Variants in CTCF observed in about 807,000 individuals in gnomAD.
The protein encoded by CTCF is transcriptional repressor CTCF.
In CTCF, 7 loss-of-function variants were observed where a neutral mutation model predicts 72.3. The observed-to-expected ratio is 0.10, with a 90% confidence interval of 0.06 to 0.18. CTCF has a LOEUF of 0.18. Among genes scored for constraint, CTCF ranks in the 10% least tolerant of loss-of-function variants. The pLI, the probability that CTCF is intolerant of heterozygous loss-of-function variation, is 1.00. For missense variants in CTCF, 516 were observed against 949.1 expected, an observed-to-expected ratio of 0.54 and a Z score of 6.00; for synonymous variants, 374 against 315.8, an observed-to-expected ratio of 1.18 and a Z score of -1.95.
intron 2 of CTCF, among the ~76,000 whole-genome samples, chr16:67,588,753 C>T (rs1001084430): frequency 6.6e-6 from 1 of 152,148 alleles, no homozygotes; most frequent in Non-Finnish European, 1.5e-5. Context: ...GTGGCGTGAA[C>T]TCAGCTCACT....
chr16:67,592,577 C>T (rs1489077087), intron 2 of CTCF, among the ~76,000 whole-genome samples: 2 of 151,740 alleles, frequency 1.3e-5, no homozygotes, highest in African/African-American at 2.4e-5. Context: ...TGGTGGCATG[C>T]GCCTGTAGTC....
intron 5 of CTCF, 29 bp downstream of exon 5, chr16:67,616,907 C>G (rs367977088): frequency 2.3e-5 from 37 of 1,606,566 alleles, no homozygotes; most frequent in Non-Finnish European, 3.1e-5. Context: ...GTTGGTATCT[C>G]TCTTAGGCAG....
In CTCF at chr16:67,610,812, C is replaced by A; in HGVS notation, c.-9-12C>A. On this transcript the variant is annotated splice_polypyrimidine_tract_variant and intron_variant, in intron 2 of 11. Coordinates refer to ENST00000264010, the MANE Select transcript of CTCF (RefSeq NM_006565.4). ...TGCTTTAAATAACAATCTGTGTTCT[C>A]CCTTAATAAAGGCAGGGGAAATGGA... is the stretch of plus-strand genomic sequence containing the variant. 1 of 1,449,902 alleles carries A rather than the reference C, an allele frequency of 6.9e-7. No homozygotes were observed. Among genetic ancestry groups the A allele is most frequent in the South Asian group, 1.8e-5 (1 of 56,906 alleles). 89.8% of individuals were successfully genotyped at this position (1,449,902 alleles called of 1,614,324 possible).
At chr16:67,631,691 C>CTT (rs1420919194) in intron 10 of CTCF, among the ~76,000 whole-genome samples, 4 of 90,906 alleles carry the variant, frequency 4.4e-5, no homozygotes, top group African/African-American at 2.0e-4. Context: ...CCCCCCCCCC[C>CTT]TTTTTTTTTT....
In CTCF at chr16:67,570,483, C is replaced by G. The variant is rs182395203; in HGVS notation, c.-126-665C>G. 2.8e-4 allele frequency among the ~76,000 whole-genome samples: 41 copies of G among 148,988 alleles called. 1 individual carries two copies. Among genetic ancestry groups the G allele is most frequent in the Admixed American group, 2.6e-3 (39 of 14,936 alleles). ...TTTTTTTTTGAGACGGAGTCTCGCT[C>G]TGTCGCCCAGGCTGGAGTGCCGTGG... On this transcript the variant is annotated intron_variant, in intron 1 of 11. Coordinates refer to ENST00000264010, the MANE Select transcript of CTCF (RefSeq NM_006565.4).
In CTCF at chr16:67,639,064, C is replaced by A; in HGVS notation, c.*1192C>A. 1 of 202,392 alleles carries A rather than the reference C, an allele frequency of 4.9e-6. No homozygotes were observed. The allele number at this position is 202,392 out of a possible 1,614,324, so 12.5% of individuals were successfully genotyped here. ...CTTAGCTGTACTGTGTGATATTTTTCATTATTTTAGGACGCCAACATGAGA... is the reference window on the plus strand; with the variant it reads ...CTTAGCTGTACTGTGTGATATTTTTAATTATTTTAGGACGCCAACATGAGA... On this transcript the variant is annotated 3_prime_UTR_variant, in exon 12 of 12. Transcript: ENST00000264010.
rs534859941 is a variant in CTCF, at chr16:67,624,149, A to G, written c.1358-2406A>G. The stretch of plus-strand genomic sequence containing the variant: ...TGTATATATATGTGTGTGTGTGTAT[A>G]TATGTGTGTATATATATATGTATTC... On this transcript the variant is annotated intron_variant, in intron 7 of 11. Transcript: ENST00000264010. Among the ~76,000 whole-genome samples the G allele has an allele frequency of 3.4e-5, 5 of 146,852 alleles. No individual in the cohort carries two copies. In the East Asian group the frequency reaches 5.9e-4, roughly 17 times the overall value.
chr16:67,628,787 G>A (rs1374341523), intron 9 of CTCF, among the ~76,000 whole-genome samples: 3 of 152,318 alleles, frequency 2.0e-5, no homozygotes, highest in African/African-American at 4.8e-5. Flanking sequence ...CTGGCCAGGC[G>A]CGGTGGCTCG....
intron 2 of CTCF, among the ~76,000 whole-genome samples, chr16:67,590,537 C>T (rs1158884449): frequency 6.6e-6 from 1 of 151,882 alleles, no homozygotes; most frequent in Non-Finnish European, 1.5e-5. Flanking sequence ...CAGGGTTTCA[C>T]TGTGTTAGCC....
chr16:67,638,432 CT>C lies in CTCF; in HGVS notation c.*567del. The C allele has an allele frequency of 4.4e-6, 1 of 224,962 alleles. No individual in the cohort carries two copies. Among genetic ancestry groups the C allele is most frequent in the Non-Finnish European group, 8.9e-6 (1 of 112,712 alleles). The allele number at this position is 224,962 out of a possible 1,614,324, so 13.9% of individuals were successfully genotyped here. A position where few individuals can be genotyped will look rare whatever the true frequency, so the allele number is the denominator to read the frequency against. ...CTGGTATGGTCAAGCTTGTAAATAA[CT>C]TTTTTTACATTTTAATCTTTTCCAT... On this transcript the variant is annotated 3_prime_UTR_variant, in exon 12 of 12. Coordinates refer to ENST00000264010, the MANE Select transcript of CTCF (RefSeq NM_006565.4).
At chr16:67,617,279 C>G (rs991777796) in intron 5 of CTCF, among the ~76,000 whole-genome samples, 16 of 152,056 alleles carry the variant, frequency 1.1e-4, no homozygotes, top group African/African-American at 3.4e-4. Flanking sequence ...GTGGGTGGAT[C>G]ACAAGGTCAG....
chr16:67,629,746 CTTTTTTTTTT>C (rs71145978), intron 10 of CTCF, among the ~76,000 whole-genome samples: 2 of 63,358 alleles, frequency 3.2e-5, no homozygotes, highest in African/African-American at 1.3e-4. Context: ...CATTAATGCC[CTTTTTTTTTT>C]TTTTTTTTTT....
At chr16:67,574,650 C>CTTTT (rs1162960134) in intron 2 of CTCF, among the ~76,000 whole-genome samples, 9 of 96,966 alleles carry the variant, frequency 9.3e-5, no homozygotes, top group African/African-American at 2.2e-4. Context: ...CCAAAAGCAT[C>CTTTT]TTTTTTTTTT....
At chr16:67,576,343 C>T (rs546216355) in intron 2 of CTCF, among the ~76,000 whole-genome samples, 36 of 151,736 alleles carry the variant, frequency 2.4e-4, no homozygotes, top group African/African-American at 7.5e-4. Flanking sequence ...ACTAAACAGA[C>T]GTGGAAATCA....
intron 2 of CTCF, among the ~76,000 whole-genome samples, chr16:67,578,905 A>AC (rs1340920834): frequency 6.9e-6 from 1 of 144,448 alleles, no homozygotes; most frequent in Non-Finnish European, 1.5e-5. Context: ...CCGAGATTGC[A>AC]CCATTGCACT....
At chr16:67,606,641 G>A (rs957466307) in intron 2 of CTCF, among the ~76,000 whole-genome samples, 2 of 151,890 alleles carry the variant, frequency 1.3e-5, no homozygotes, top group African/African-American at 4.8e-5. Context: ...ATAATACAAT[G>A]TTAAGGTGCC....
chr16:67,574,083 C>T (rs953006331), intron 2 of CTCF, among the ~76,000 whole-genome samples: 2 of 151,892 alleles, frequency 1.3e-5, no homozygotes, highest in Non-Finnish European at 2.9e-5. Context: ...TTTCCTCACA[C>T]ACCAAACAGT....
chr16:67,602,860 A>G (rs1019797936), intron 2 of CTCF, among the ~76,000 whole-genome samples: 48 of 151,570 alleles, frequency 3.2e-4, no homozygotes, highest in East Asian at 2.5e-3. Context: ...AAAAAAAAAA[A>G]AGAGAAGAAA....
At chr16:67,606,568 G>A (rs1335487530) in intron 2 of CTCF, among the ~76,000 whole-genome samples, 3 of 152,044 alleles carry the variant, frequency 2.0e-5, no homozygotes, top group Non-Finnish European at 4.4e-5. Flanking sequence ...CTCTGTAGTA[G>A]TTCTTGTGCT....
Sources: allele counts gnomAD v4.1 joint callset (sites outside exome capture counted in the v4.1 genomes callset), GRCh38; gene constraint gnomAD v4.1.1; transcripts MANE v1.5; gene names NCBI Gene and HGNC (gene_info 2026-07-23, HGNC 2026-07-21).